The following RPTOR variants were observed in gnomAD, a reference collection of about 807,000 sequenced individuals.
RPTOR encodes regulatory associated protein of MTOR complex 1, also known as regulatory-associated protein of mTOR.
RPTOR carries 21 observed loss-of-function variants against 169.9 expected under a neutral mutation model. The ratio of observed to expected loss-of-function variants is 0.12; its 90% CI spans 0.09 to 0.18. The LOEUF is 0.18. RPTOR is among the 10% of genes least tolerant of loss of function. The pLI, the probability that RPTOR is intolerant of heterozygous loss-of-function variation, is 1.00. For missense variants in RPTOR, 1,133 were observed against 1,855.9 expected (o/e 0.61, Z 7.16); for synonymous variants, 732 against 753.2 (o/e 0.97, Z 0.46).
At chr17:80,780,154 G>A (rs912821168) in intron 6 of RPTOR, among the ~76,000 whole-genome samples, 2 of 152,198 alleles carry the variant, frequency 1.3e-5, no homozygotes, top group African/African-American at 4.8e-5. Context: ...CCATAAAGCA[G>A]CTGGATCAAA....
chr17:80,911,398 G>A (rs2068611496), intron 21 of RPTOR, among the ~76,000 whole-genome samples: 1 of 152,190 alleles, frequency 6.6e-6, no homozygotes, highest in African/African-American at 2.4e-5. Flanking sequence ...AAAATAGCCA[G>A]TCAATTAAGT....
chr17:80,714,880 TTC>T (rs1351267303), intron 4 of RPTOR, among the ~76,000 whole-genome samples: 1 of 152,134 alleles, frequency 6.6e-6, no homozygotes, highest in African/African-American at 2.4e-5. Flanking sequence ...TCCACCACCG[TTC>T]CCAGCTATTT....
At chr17:80,898,510 G>C (rs2068433792) in intron 20 of RPTOR, among the ~76,000 whole-genome samples, 1 of 151,876 alleles carries the variant, frequency 6.6e-6, no homozygotes, top group Admixed American at 6.6e-5. Context: ...CCTTTCTACT[G>C]TTTTCTCTAG....
At chr17:80,891,928 C>G in intron 18 of RPTOR, 91 bp downstream of exon 18, 1 of 804,768 alleles carries the variant, frequency 1.2e-6, no homozygotes, top group Non-Finnish European at 2.0e-6. Flanking sequence ...CTCGCAGAGT[C>G]TAAGCGCAGG....
At chr17:80,637,115 G>A (rs1007638332) in intron 2 of RPTOR, among the ~76,000 whole-genome samples, 4 of 152,224 alleles carry the variant, frequency 2.6e-5, no homozygotes, top group Admixed American at 1.3e-4. Context: ...GCGGAAGGTG[G>A]TCTGTGCTGA....
chr17:80,645,132 C>T (rs995251203), intron 3 of RPTOR, among the ~76,000 whole-genome samples: 5 of 152,090 alleles, frequency 3.3e-5, no homozygotes, highest in Admixed American at 6.5e-5. Context: ...TGAGATGCCT[C>T]GTGTTTTCCA....
intron 9 of RPTOR, among the ~76,000 whole-genome samples, chr17:80,825,631 G>A (rs531480830): frequency 7.5e-4 from 115 of 152,352 alleles, no homozygotes; most frequent in African/African-American, 2.7e-3. Context: ...GAATCATGAG[G>A]TGATGTCGCA....
At chr17:80,961,532 C>G (rs1472613708) in intron 31 of RPTOR, 52 bp downstream of exon 31, 1 of 1,517,674 alleles carries the variant, frequency 6.6e-7, no homozygotes, top group Non-Finnish European at 8.9e-7. Flanking sequence ...CATTATTTTC[C>G]CCTCCATTTA....
intron 17 of RPTOR, among the ~76,000 whole-genome samples, chr17:80,886,282 A>G (rs1407283677): frequency 1.3e-5 from 2 of 152,242 alleles, no homozygotes; most frequent in South Asian, 2.1e-4. Flanking sequence ...GTCACGTTCT[A>G]TCGTGTGTAC....
rs148267838 is a variant in RPTOR, at chr17:80,874,588, G to A, written c.1510-5827G>A. On this transcript the variant is annotated intron_variant, in intron 13 of 33. Transcript: ENST00000306801. The stretch of plus-strand genomic sequence containing the variant: ...GTGCCTGGGGGTGAAGGTCTGAGGC[G>A]GAAAGCTTGTCTTGCACTGCTCGGT... Among the ~76,000 whole-genome samples, 417 of 152,256 alleles carry A rather than the reference G, an allele frequency of 2.7e-3. 1 individual carries two copies. The highest frequency in any genetic ancestry group is 9.6e-3 in the African/African-American group (398 of 41,552).
intron 13 of RPTOR, among the ~76,000 whole-genome samples, chr17:80,877,635 G>A (rs1234292266): frequency 6.6e-6 from 1 of 152,220 alleles, no homozygotes; most frequent in East Asian, 1.9e-4. Context: ...TTAAAACAAA[G>A]GAAGGTGCCT....
intron 11 of RPTOR, among the ~76,000 whole-genome samples, chr17:80,853,174 A>G (rs2067812345): frequency 6.6e-6 from 1 of 151,798 alleles, no homozygotes; most frequent in South Asian, 2.1e-4. Flanking sequence ...CTGGATCTCA[A>G]AACAAACTGA....
At chr17:80,911,716 T>C (rs1190969846) in intron 21 of RPTOR, among the ~76,000 whole-genome samples, 1 of 152,152 alleles carries the variant, frequency 6.6e-6, no homozygotes, top group Non-Finnish European at 1.5e-5. Flanking sequence ...GCCCAGGAGC[T>C]CAAGGCTGCA....
chr17:80,574,314 G>A (rs1404749949), intron 1 of RPTOR, among the ~76,000 whole-genome samples: 1 of 150,814 alleles, frequency 6.6e-6, no homozygotes, highest in Non-Finnish European at 1.5e-5. Context: ...ACAGGCGCCC[G>A]CCACCGCGCC....
At chr17:80,924,074 C>T (rs977618547) in intron 23 of RPTOR, 1 of 252,436 alleles carries the variant, frequency 4.0e-6, no homozygotes, top group African/African-American at 2.2e-5. Context: ...GGCAGCTGCA[C>T]TGCAGAGCAT....
chr17:80,827,211 G>T (rs2067454228), intron 9 of RPTOR, among the ~76,000 whole-genome samples: 1 of 152,242 alleles, frequency 6.6e-6, no homozygotes, highest in Non-Finnish European at 1.5e-5. Context: ...CTTAGTAATA[G>T]GAGTTCCTCC....
Position 80,646,700 on chromosome 17 carries a change from A to C in RPTOR, c.348+2890A>C, listed in dbSNP as rs1239604225. Among the ~76,000 whole-genome samples the C allele has an allele frequency of 2.0e-5, 3 of 152,172 alleles. No individual in the cohort carries two copies. Among genetic ancestry groups the C allele is most frequent in the African/African-American group, 7.2e-5 (3 of 41,440 alleles). ...GTTGATGTGCCATCTGCAATAAAACAATGGGGGCGTTATTAAATTTCCCAG... is the reference window on the plus strand; with the variant it reads ...GTTGATGTGCCATCTGCAATAAAACCATGGGGGCGTTATTAAATTTCCCAG... On this transcript the variant is annotated intron_variant, in intron 3 of 33. Transcript: ENST00000306801. The surrounding 1 kb of genome is among the most constrained non-coding windows in gnomAD (Gnocchi z 5.0).
At chr17:80,670,255 C>T (rs565867991) in intron 3 of RPTOR, among the ~76,000 whole-genome samples, 1 of 152,308 alleles carries the variant, frequency 6.6e-6, no homozygotes, top group Non-Finnish European at 1.5e-5. Context: ...TAAATTGTCC[C>T]TCTTTTATCA....
intron 5 of RPTOR, among the ~76,000 whole-genome samples, chr17:80,742,630 T>C (rs756894516): frequency 2.2e-4 from 33 of 151,374 alleles, no homozygotes; most frequent in African/African-American, 4.1e-4. Flanking sequence ...CACACGCACA[T>C]ATACATACAT....
Sources: gnomAD v4.1 joint callset for allele counts (sites outside exome capture counted in the v4.1 genomes callset) on GRCh38, gnomAD v4.1.1 for gene constraint, Gnocchi (gnomAD v3.1) non-coding constraint, MANE v1.5 for transcripts, NCBI Gene and HGNC (gene_info 2026-07-23, HGNC 2026-07-21) for gene names.